The following MAPK8 variants were observed in gnomAD, a reference collection of about 807,000 sequenced individuals.
MAPK8 encodes the protein JUN N-terminal kinase.
In MAPK8, 13 loss-of-function variants were observed where a neutral mutation model predicts 52.9. That is an observed-to-expected ratio of 0.25 (90% CI 0.16 to 0.39). The LOEUF is 0.39. Among genes scored for constraint, MAPK8 ranks in the 10% least tolerant of loss-of-function variants. The probability of loss-of-function intolerance (pLI) is 1.00; values close to 1 mark genes in which losing one functional copy is unlikely to be tolerated. For missense variants in MAPK8, 300 were observed against 519.2 expected, an observed-to-expected ratio of 0.58 and a Z score of 4.10; for synonymous variants, 191 against 169.8, an observed-to-expected ratio of 1.12 and a Z score of -0.97.
intron 1 of MAPK8, chr10:48,307,231 C>A (rs1009555547): frequency 2.4e-4 from 37 of 152,414 alleles, no homozygotes; most frequent in African/African-American, 8.7e-4. Context: ...GCCTCCGGGG[C>A]GGCGGGGAGC....
intron 2 of MAPK8, among the ~76,000 whole-genome samples, chr10:48,404,220 G>C (rs182328196): frequency 1.3e-5 from 2 of 150,812 alleles, no homozygotes; most frequent in Admixed American, 6.6e-5. Context: ...GCGGTGGTGC[G>C]ATCTTGGCTC....
intron 1 of MAPK8, among the ~76,000 whole-genome samples, chr10:48,322,353 G>C (rs914792560): frequency 6.6e-6 from 1 of 151,926 alleles, no homozygotes; most frequent in Non-Finnish European, 1.5e-5. Context: ...AAGCATGTCT[G>C]TGTCGGATAA....
intron 5 of MAPK8, among the ~76,000 whole-genome samples, chr10:48,413,800 T>TATTTGCCAGAA (rs1365637297): frequency 8.0e-6 from 1 of 125,608 alleles, no homozygotes; most frequent in Non-Finnish European, 1.6e-5. Flanking sequence ...CAAAATTGAG[T>TATTTGCCAGAA]ATTTGCCAGA....
chr10:48,365,107 T>G (rs777228574), intron 1 of MAPK8, among the ~76,000 whole-genome samples: 3 of 152,170 alleles, frequency 2.0e-5, no homozygotes, highest in Non-Finnish European at 4.4e-5. Flanking sequence ...ACAAATATTG[T>G]AACAACAATT....
intron 5 of MAPK8, chr10:48,410,451 T>TTTC: frequency 3.8e-6 from 1 of 263,554 alleles, no homozygotes; most frequent in Non-Finnish European, 7.1e-6. Flanking sequence ...GTTTTCAAGA[T>TTTC]TTCTCCATGT....
intron 1 of MAPK8, among the ~76,000 whole-genome samples, chr10:48,397,789 C>G (rs1199171527): frequency 6.6e-6 from 1 of 152,062 alleles, no homozygotes; most frequent in Non-Finnish European, 1.5e-5. Flanking sequence ...CAGGGTTTCA[C>G]CGTGTTAGCC....
chr10:48,409,459 T>G (rs573132816), intron 3 of MAPK8, among the ~76,000 whole-genome samples: 1 of 151,902 alleles, frequency 6.6e-6, no homozygotes, highest in Non-Finnish European at 1.5e-5. Flanking sequence ...GATGAACCAG[T>G]GAAATAGACT....
intron 1 of MAPK8, among the ~76,000 whole-genome samples, chr10:48,313,031 C>T (rs1842122750): frequency 6.6e-6 from 1 of 152,038 alleles, no homozygotes; most frequent in Non-Finnish European, 1.5e-5. Context: ...AGAATGAAGG[C>T]TTTTTTTGCA....
chr10:48,397,763 G>A (rs1007555632), intron 1 of MAPK8, among the ~76,000 whole-genome samples: 5 of 151,980 alleles, frequency 3.3e-5, no homozygotes, highest in Non-Finnish European at 7.4e-5. Flanking sequence ...GCTAATTTTT[G>A]TGTTTTTAGT....
Position 48,437,566 on chromosome 10 carries a change from A to C in MAPK8, c.*2537A>C, listed in dbSNP as rs577888702. ...CTGTACCAATGTCTTCCTGGTTACT[A>C]TTCTCTTCCCTCTAATATATACTGG... On this transcript the variant is annotated 3_prime_UTR_variant, in exon 12 of 12. Coordinates refer to ENST00000374189, the MANE Select transcript of MAPK8 (RefSeq NM_001323329.2). 6.6e-6 allele frequency: 1 copy of C among 150,964 alleles called. No individual in the cohort carries two copies. Among genetic ancestry groups the C allele is most frequent in the Non-Finnish European group, 1.5e-5 (1 of 67,564 alleles). 9.4% of individuals were successfully genotyped at this position (150,964 alleles called of 1,614,324 possible). A position where few individuals can be genotyped will look rare whatever the true frequency, so the allele number is the denominator to read the frequency against.
intron 1 of MAPK8, among the ~76,000 whole-genome samples, chr10:48,307,727 A>G (rs1398763053): frequency 6.6e-6 from 1 of 152,230 alleles, no homozygotes; most frequent in Non-Finnish European, 1.5e-5. Flanking sequence ...TCTTTCCAGT[A>G]GAATTCTGGT....
At chr10:48,399,092 T>C (rs2042030984) in intron 1 of MAPK8, among the ~76,000 whole-genome samples, 3 of 152,198 alleles carry the variant, frequency 2.0e-5, no homozygotes, top group African/African-American at 7.2e-5. Context: ...TTAAACGTCA[T>C]GTTGTCAGGA....
chr10:48,332,797 T>G (rs1844281649), intron 1 of MAPK8, among the ~76,000 whole-genome samples: 1 of 152,234 alleles, frequency 6.6e-6, no homozygotes, highest in African/African-American at 2.4e-5. Flanking sequence ...TGCTATTTAT[T>G]AGGCCCCACT....
intron 10 of MAPK8, among the ~76,000 whole-genome samples, chr10:48,429,273 T>C (rs942678338): frequency 2.6e-5 from 4 of 152,214 alleles, no homozygotes; most frequent in African/African-American, 9.7e-5. Context: ...TTATAAGATA[T>C]AGTCAATTTC....
chr10:48,432,357 T>A (rs1564629013), intron 11 of MAPK8, among the ~76,000 whole-genome samples: 1 of 152,172 alleles, frequency 6.6e-6, no homozygotes, highest in African/African-American at 2.4e-5. Context: ...TGCTTTGACA[T>A]TTTTGGTTAT....
At chr10:48,314,666 G>C (rs1842328956) in intron 1 of MAPK8, among the ~76,000 whole-genome samples, 1 of 152,186 alleles carries the variant, frequency 6.6e-6, no homozygotes, top group African/African-American at 2.4e-5. Flanking sequence ...GTGTAAGGAT[G>C]CCTGCTTCTT....
intron 1 of MAPK8, among the ~76,000 whole-genome samples, chr10:48,389,622 A>C (rs2041514241): frequency 6.6e-6 from 1 of 152,190 alleles, no homozygotes. Context: ...TCATAATGGG[A>C]ATTTAAAATA....
intron 1 of MAPK8, among the ~76,000 whole-genome samples, chr10:48,319,066 A>C (rs1842755648): frequency 6.6e-6 from 1 of 152,204 alleles, no homozygotes; most frequent in Non-Finnish European, 1.5e-5. Context: ...GGTGGTTATC[A>C]CTTTTAGTGT....
intron 1 of MAPK8, among the ~76,000 whole-genome samples, chr10:48,332,584 G>T (rs1194903089): frequency 6.6e-6 from 1 of 152,178 alleles, no homozygotes; most frequent in Non-Finnish European, 1.5e-5. Flanking sequence ...CTACCTTAGG[G>T]ATGTCTGGGA....
Sources: allele counts gnomAD v4.1 joint callset (sites outside exome capture counted in the v4.1 genomes callset), GRCh38; gene constraint gnomAD v4.1.1; transcripts MANE v1.5; gene names NCBI Gene and HGNC (gene_info 2026-07-23, HGNC 2026-07-21).